Variants in KIFC3 observed in about 807,000 individuals in gnomAD.
The protein encoded by KIFC3 is kinesin-like protein KIFC3.
Under a neutral mutation model 101.8 loss-of-function variants are expected in KIFC3, and 60 were observed. The ratio of observed to expected loss-of-function variants is 0.59; its 90% CI spans 0.48 to 0.73. The LOEUF is 0.73. Among genes scored for constraint, KIFC3 ranks in the 30% least tolerant of loss-of-function variants. The pLI, the probability that KIFC3 is intolerant of heterozygous loss-of-function variation, is 0.00. For synonymous variants in KIFC3, 476 were observed against 482.7 expected (o/e 0.99, Z 0.18); for missense variants, 966 against 1,137.1 (o/e 0.85, Z 2.16).
chr16:57,838,186 G>C (rs545718965), intron 1 of KIFC3, among the ~76,000 whole-genome samples: 2 of 152,120 alleles, frequency 1.3e-5, no homozygotes, highest in African/African-American at 4.8e-5. Flanking sequence ...AAAAATGCAG[G>C]GAACAAGCAG....
At chr16:57,775,253 C>T (rs1036958713) in intron 3 of KIFC3, 17 of 1,307,320 alleles carry the variant, frequency 1.3e-5, no homozygotes, top group Admixed American at 3.8e-5. Context: ...GAGGAAGGGG[C>T]TCTAAAGGCC....
intron 1 of KIFC3, among the ~76,000 whole-genome samples, chr16:57,854,710 C>T (rs1351950700): frequency 1.3e-5 from 2 of 151,892 alleles, no homozygotes; most frequent in African/African-American, 2.4e-5. Flanking sequence ...ATCTAACTGA[C>T]ATTCCTGGAA....
chr16:57,844,645 C>T (rs2149317809), intron 1 of KIFC3, among the ~76,000 whole-genome samples: 1 of 152,146 alleles, frequency 6.6e-6, no homozygotes, highest in Non-Finnish European at 1.5e-5. Context: ...GTCTCTGTCC[C>T]ACTCTCCCCA....
chr16:57,785,532 C>T, intron 3 of KIFC3: 7 of 1,289,408 alleles, frequency 5.4e-6, no homozygotes, highest in Non-Finnish European at 6.1e-6. Flanking sequence ...TCCTGTAGGA[C>T]CACCAGCTCC....
At chr16:57,852,287 T>C (rs1458994233) in intron 1 of KIFC3, among the ~76,000 whole-genome samples, 4 of 152,124 alleles carry the variant, frequency 2.6e-5, no homozygotes, top group African/African-American at 4.8e-5. Flanking sequence ...GGAGCACTCA[T>C]TGGAGGGTCC....
At chr16:57,857,112 G>C (rs2149335825) in intron 1 of KIFC3, among the ~76,000 whole-genome samples, 1 of 152,264 alleles carries the variant, frequency 6.6e-6, no homozygotes, top group East Asian at 1.9e-4. Flanking sequence ...ATACAGCAGT[G>C]CTTTAATTCC....
chr16:57,769,614 A>G lies in KIFC3; in HGVS notation c.1199T>C (p.Leu400Pro). The part of the protein sequence containing the change: ...RGFPLLLQEA[L>P]RSVKAEIGQA... ...GCTCACCTCGGCCTTGACACTCCTG[A>G]GGGCCTCCTGCAGCAGCAGTGGGAA... The change falls in exon 9 of 20, where the codon CTC (leucine) becomes CCC (proline). Residue 400 changes from leucine to proline, a missense_variant. Physicochemically the swap from Leu to Pro is moderately conservative, Grantham distance 98. Around this residue, in one of 2 missense-constraint regions of KIFC3, gnomAD observed 689 missense variants for 884.6 expected, o/e 0.78. Transcript: ENST00000445690. The surrounding 1 kb of genome is among the most constrained non-coding windows in gnomAD (Gnocchi z 4.3). 1 of 1,610,822 alleles carries G rather than the reference A, an allele frequency of 6.2e-7. No individual in the cohort carries two copies.
At chr16:57,766,529 T>G (rs1456569214) in intron 10 of KIFC3, among the ~76,000 whole-genome samples, 1 of 152,156 alleles carries the variant, frequency 6.6e-6, no homozygotes, top group African/African-American at 2.4e-5. Flanking sequence ...TGGTGGAGTC[T>G]CAAGCTTGAC....
chr16:57,793,345 C>G (rs2149182106), intron 3 of KIFC3, among the ~76,000 whole-genome samples: 1 of 150,836 alleles, frequency 6.6e-6, no homozygotes, highest in Middle Eastern at 3.5e-3. Flanking sequence ...GTAATCCCAG[C>G]ACTTTGGGAG....
intron 1 of KIFC3, among the ~76,000 whole-genome samples, chr16:57,811,605 C>T (rs2055075664): frequency 6.6e-6 from 1 of 151,884 alleles, no homozygotes; most frequent in Non-Finnish European, 1.5e-5. Context: ...TACCTATGGT[C>T]CCAGCTACTT....
chr16:57,810,194 A>G (rs1187713485), intron 1 of KIFC3, among the ~76,000 whole-genome samples: 4 of 151,484 alleles, frequency 2.6e-5, no homozygotes, highest in Admixed American at 6.6e-5. Flanking sequence ...CTACTGGGGG[A>G]AAAAAAAATT....
At position 57,761,170 on chromosome 16, in the gene KIFC3, A is replaced by G; in HGVS notation, c.1874T>C (p.Val625Ala). ...GCGATTAGTGTGGCCAAACTCAAAC[A>G]CCTGGGGGATTGGGAGGAGGGCAGA... is the stretch of plus-strand genomic sequence containing the variant. ...QVQSVDDINK[V>A]FEFGHTNRTT... Residue 625 changes from valine (V) to alanine (A), a missense_variant and splice_region_variant, in exon 15 of 20, where the codon GTG (valine) becomes GCG (alanine). Val to Ala is a moderately conservative substitution (Grantham distance 64). Transcript: ENST00000445690. 1 of 1,613,696 alleles carries G rather than the reference A, an allele frequency of 6.2e-7. No homozygotes were observed. Among genetic ancestry groups the G allele is most frequent in the South Asian group, 1.1e-5 (1 of 91,060 alleles).
At chr16:57,792,541 G>C (rs144091639) in intron 3 of KIFC3, among the ~76,000 whole-genome samples, 26 of 152,248 alleles carry the variant, frequency 1.7e-4, no homozygotes, top group African/African-American at 6.0e-4. Context: ...ACAATACAGA[G>C]GATCTGTTAT....
upstream of KIFC3, among the ~76,000 whole-genome samples, chr16:57,804,105 G>A (rs2054875709): frequency 6.6e-6 from 1 of 152,110 alleles, no homozygotes; most frequent in Non-Finnish European, 1.5e-5. Context: ...CAAAGCCAAA[G>A]CCAGATTTTT....
chr16:57,808,613 A>G (rs979769428), intron 1 of KIFC3, among the ~76,000 whole-genome samples: 3 of 152,214 alleles, frequency 2.0e-5, no homozygotes, highest in African/African-American at 7.2e-5. Flanking sequence ...CACAAAAACT[A>G]AAACACCAAA....
rs1184730822 is a variant in KIFC3, at chr16:57,853,807, A to G, written c.108+8922T>C. 3.3e-5 allele frequency among the ~76,000 whole-genome samples: 5 copies of G among 151,920 alleles called. No homozygotes were observed. In the East Asian group the frequency reaches 7.8e-4, roughly 24 times the overall value. The stretch of plus-strand genomic sequence containing the variant: ...CCACCATACCCGGATAATTTTTTGT[A>G]TTTTTAGTAGAGATGGGGTTTCACC... On this transcript the variant is annotated intron_variant, in intron 1 of 2. Transcript: ENST00000563028.
At chr16:57,818,558 C>G (rs1425850706) in intron 1 of KIFC3, among the ~76,000 whole-genome samples, 5 of 152,080 alleles carry the variant, frequency 3.3e-5, no homozygotes, top group Non-Finnish European at 1.5e-5. Context: ...GACTGGATCT[C>G]ACTATGTTGC....
At chr16:57,845,851 G>A (rs1201229461) in intron 1 of KIFC3, among the ~76,000 whole-genome samples, 1 of 152,172 alleles carries the variant, frequency 6.6e-6, no homozygotes, top group Non-Finnish European at 1.5e-5. Context: ...GTGAGGGAGA[G>A]TCACCTCTGA....
intron 1 of KIFC3, among the ~76,000 whole-genome samples, chr16:57,824,796 A>T (rs1414200953): frequency 6.6e-6 from 1 of 152,046 alleles, no homozygotes; most frequent in Non-Finnish European, 1.5e-5. Context: ...CCAGCCCTGC[A>T]CCCCCGGTAC....
Sources: gnomAD v4.1 joint callset for allele counts (sites outside exome capture counted in the v4.1 genomes callset) on GRCh38, gnomAD v4.1.1 for gene constraint, gnomAD v4.1.1 regional missense constraint, Gnocchi (gnomAD v3.1) non-coding constraint, MANE v1.5 for transcripts, NCBI Gene and HGNC (gene_info 2026-07-23, HGNC 2026-07-21) for gene names.